FOXP1: variants seen among roughly 807,000 people sequenced by gnomAD.
FOXP1 encodes forkhead box protein P1.
A neutral mutation model predicts 98.2 loss-of-function variants in FOXP1; 15 were observed. The ratio of observed to expected loss-of-function variants is 0.15; its 90% CI spans 0.10 to 0.24. The LOEUF (loss-of-function observed/expected upper bound fraction) is 0.24. FOXP1 is among the 10% of genes least tolerant of loss of function. FOXP1 has a pLI of 1.00. For synonymous variants in FOXP1, 371 were observed against 314.5 expected (o/e 1.18, Z -1.90); for missense variants, 633 against 848.5 (o/e 0.75, Z 3.15).
chr3:71,460,068 G>A (rs961129357), intron 3 of FOXP1, among the ~76,000 whole-genome samples: 8 of 151,338 alleles, frequency 5.3e-5, no homozygotes, highest in Non-Finnish European at 1.2e-4. Flanking sequence ...CAAGTAGCTG[G>A]GACTACAGGC....
At chr3:71,498,936 T>A (rs746745281) in intron 2 of FOXP1, among the ~76,000 whole-genome samples, 1 of 152,148 alleles carries the variant, frequency 6.6e-6, no homozygotes, top group Non-Finnish European at 1.5e-5. Context: ...ACCCTGAAGA[T>A]CTAGGAAGGA....
chr3:71,114,168 A>G (rs915551182), intron 6 of FOXP1, among the ~76,000 whole-genome samples: 8 of 152,246 alleles, frequency 5.3e-5, no homozygotes, highest in Admixed American at 1.3e-4. Flanking sequence ...GAAAGTTAGC[A>G]TAATGGACTT....
At chr3:71,358,697 C>T (rs766744971) in intron 4 of FOXP1, among the ~76,000 whole-genome samples, 1 of 152,148 alleles carries the variant, frequency 6.6e-6, no homozygotes, top group Non-Finnish European at 1.5e-5. Flanking sequence ...TGCATCCAAT[C>T]AAGGGACAGC....
intron 3 of FOXP1, among the ~76,000 whole-genome samples, chr3:71,484,162 T>C (rs1382475324): frequency 1.3e-5 from 2 of 152,200 alleles, no homozygotes; most frequent in African/African-American, 2.4e-5. Flanking sequence ...ATATCCATAG[T>C]CTGATTATAA....
At chr3:71,513,431 C>G (rs75650505) in intron 2 of FOXP1, among the ~76,000 whole-genome samples, 7,793 of 152,192 alleles carry the variant, frequency 0.051, 285 homozygotes, top group Non-Finnish European at 0.081. Context: ...AGCCAGTACT[C>G]CCCTCCTTCG....
At chr3:71,279,638 C>A (rs2071299801) in intron 5 of FOXP1, among the ~76,000 whole-genome samples, 1 of 152,042 alleles carries the variant, frequency 6.6e-6, no homozygotes, top group African/African-American at 2.4e-5. Flanking sequence ...TCTCGTGTAT[C>A]CAACCAAGTA....
chr3:71,568,667 G>A (rs749684495), intron 2 of FOXP1, among the ~76,000 whole-genome samples: 92 of 146,500 alleles, frequency 6.3e-4, no homozygotes, highest in Non-Finnish European at 1.1e-3. Flanking sequence ...TTTTTTTTCT[G>A]AGACAGTCTC....
At chr3:71,561,676 G>A (rs993586409) in intron 2 of FOXP1, among the ~76,000 whole-genome samples, 2 of 152,168 alleles carry the variant, frequency 1.3e-5, no homozygotes, top group Non-Finnish European at 2.9e-5. Flanking sequence ...TTTGAATGCC[G>A]TGGTGGTTGC....
intron 13 of FOXP1, among the ~76,000 whole-genome samples, chr3:70,994,524 A>G (rs959917981): frequency 4.0e-5 from 6 of 151,892 alleles, no homozygotes; most frequent in African/African-American, 9.7e-5. Context: ...ACCTTCCCCA[A>G]TCCCTCACCC....
In FOXP1 at chr3:71,233,531, A is replaced by T. The variant is rs1209652667; in HGVS notation, c.-11-35139T>A. On this transcript the variant is annotated intron_variant, in intron 5 of 20. Transcript: ENST00000649528. Reference sequence around the variant, plus strand: ...AACCGCTGCCTCCGGGGTTCAAGAGATTCTCTCACCTCAGCCTCCTGAGTA... The same window carrying T: ...AACCGCTGCCTCCGGGGTTCAAGAGTTTCTCTCACCTCAGCCTCCTGAGTA... Among the ~76,000 whole-genome samples the T allele has an allele frequency of 2.7e-5, 4 of 149,588 alleles. No individual in the cohort carries two copies. In the East Asian group the frequency reaches 8.0e-4, roughly 30 times the overall value.
chr3:71,080,710 A>C (rs1255055874), intron 7 of FOXP1, among the ~76,000 whole-genome samples: 1 of 152,180 alleles, frequency 6.6e-6, no homozygotes, highest in African/African-American at 2.4e-5. Context: ...TGCTCTTGCA[A>C]ATCTGGCCAA....
intron 3 of FOXP1, among the ~76,000 whole-genome samples, chr3:71,392,437 C>A (rs531483234): frequency 4.3e-4 from 66 of 152,188 alleles, no homozygotes; most frequent in Non-Finnish European, 7.5e-4. Context: ...TATTACTATT[C>A]TTTTTGTTTA....
chr3:71,117,094 T>TC (rs895857277), intron 6 of FOXP1, among the ~76,000 whole-genome samples: 2 of 151,980 alleles, frequency 1.3e-5, no homozygotes, highest in African/African-American at 4.8e-5. Context: ...TAAATCTTTT[T>TC]TTTTTTTCTT....
chr3:71,308,256 T>C lies in FOXP1; in HGVS notation c.-72-8376A>G, dbSNP rs139348720. On this transcript the variant is annotated intron_variant, in intron 4 of 20. Transcript: ENST00000649528. ...TTTCATTGTTCAAGCCAATTATCAG[T>C]GGAAAATAATAACAACAGATGGATT... is the stretch of plus-strand genomic sequence containing the variant. Among the ~76,000 whole-genome samples the C allele has an allele frequency of 3.6e-3, 553 of 152,162 alleles. 2 individuals carry two copies. The highest frequency in any genetic ancestry group is 0.013 in the African/African-American group (519 of 41,506).
At chr3:71,431,307 C>T (rs935950593) in intron 3 of FOXP1, among the ~76,000 whole-genome samples, 4 of 152,060 alleles carry the variant, frequency 2.6e-5, no homozygotes, top group Admixed American at 6.5e-5. Context: ...AGACAGAGTG[C>T]GAGAATAAGT....
intron 3 of FOXP1, among the ~76,000 whole-genome samples, chr3:71,423,059 C>T (rs2083790843): frequency 6.6e-6 from 1 of 152,164 alleles, no homozygotes; most frequent in Admixed American, 6.5e-5. Flanking sequence ...GCCTCCAACT[C>T]TCCAGCTGCT....
At chr3:71,163,213 G>A (rs1184506979) in intron 6 of FOXP1, among the ~76,000 whole-genome samples, 1 of 152,124 alleles carries the variant, frequency 6.6e-6, no homozygotes, top group Non-Finnish European at 1.5e-5. Context: ...TAACAGTCCT[G>A]ATACTTCAAT....
rs983242457 is a variant in FOXP1 at position 71,005,889 on chromosome 3, A to G, written c.975-4830T>C. On this transcript the variant is annotated intron_variant, in intron 12 of 20. Transcript: ENST00000649528. ...AGGTCACAAAAATTAACAAATCATC[A>G]TAACTGTCTAATACATCCTGGGCTG... 2.6e-5 allele frequency among the ~76,000 whole-genome samples: 4 copies of G among 152,258 alleles called. No individual in the cohort carries two copies. In the South Asian group the frequency reaches 8.3e-4, roughly 32 times the overall value.
rs114367696 is a variant in FOXP1, at chr3:70,973,908, G to A, written c.1531-1232C>T. On this transcript the variant is annotated intron_variant, in intron 17 of 20. Coordinates refer to ENST00000649528, the MANE Select transcript of FOXP1 (RefSeq NM_001349338.3). ...ATTTCCTTCCTGAATTATCCTTAAC[G>A]GTGGTGAATCTTGATACTCTGAGAG... Among the ~76,000 whole-genome samples, 16 of 135,238 alleles carry A rather than the reference G, an allele frequency of 1.2e-4. No individual in the cohort carries two copies. In the East Asian group the frequency reaches 1.8e-3, roughly 15 times the overall value. The allele number at this position is 135,238 out of a possible 152,430, so 88.7% of individuals were successfully genotyped here.
Sources: allele counts gnomAD v4.1 joint callset (sites outside exome capture counted in the v4.1 genomes callset), GRCh38; gene constraint gnomAD v4.1.1; transcripts MANE v1.5; gene names NCBI Gene and HGNC (gene_info 2026-07-23, HGNC 2026-07-21).